LIN54: variants seen among roughly 807,000 people sequenced by gnomAD.
LIN54 encodes the protein protein lin-54 homolog.
Under a neutral mutation model 78.7 loss-of-function variants are expected in LIN54, and 9 were observed. That is an observed-to-expected ratio of 0.11 (90% CI 0.07 to 0.20). The LOEUF (loss-of-function observed/expected upper bound fraction) is 0.20. Ranked by LOEUF, LIN54 falls within the 10% of genes least tolerant of loss-of-function variation. The pLI, the probability that LIN54 is intolerant of heterozygous loss-of-function variation, is 1.00. For synonymous variants in LIN54, 269 were observed against 318.4 expected, an observed-to-expected ratio of 0.84 and a Z score of 1.65; for missense variants, 573 against 889.9, an observed-to-expected ratio of 0.64 and a Z score of 4.53.
chr4:82,951,733 G>T (rs1578527615), intron 4 of LIN54, among the ~76,000 whole-genome samples: 1 of 151,942 alleles, frequency 6.6e-6, no homozygotes, highest in African/African-American at 2.4e-5. Context: ...ATGGATTTAA[G>T]ATTTAACCTA....
chr4:83,011,154 T>C (rs1260711408), upstream of LIN54, among the ~76,000 whole-genome samples: 1 of 152,192 alleles, frequency 6.6e-6, no homozygotes, highest in East Asian at 1.9e-4. Context: ...GTGGAATGCG[T>C]TTCATTCACT....
At chr4:83,006,334 A>G (rs1299096927) in intron 1 of LIN54, among the ~76,000 whole-genome samples, 2 of 152,052 alleles carry the variant, frequency 1.3e-5, no homozygotes, top group East Asian at 1.9e-4. Context: ...CTGTAGTCCC[A>G]GCTACTCGGG....
chr4:83,010,462 C>T (rs1729775450), intron 1 of LIN54, 22 bp downstream of exon 1: 4 of 1,063,434 alleles, frequency 3.8e-6, no homozygotes, highest in Non-Finnish European at 4.6e-6. Context: ...GAGAAGCCCT[C>T]GGGTACCCCA....
intron 1 of LIN54, 54 bp downstream of exon 1, chr4:83,010,430 C>CCCA: frequency 1.7e-6 from 1 of 576,998 alleles, no homozygotes; most frequent in Non-Finnish European, 2.2e-6. Context: ...CCCATCCCCC[C>CCCA]AAATAAAGAG....
chr4:82,974,379 G>A (rs1225668097), intron 3 of LIN54, among the ~76,000 whole-genome samples: 2 of 151,984 alleles, frequency 1.3e-5, no homozygotes, highest in African/African-American at 2.4e-5. Context: ...AGAAAATTCT[G>A]ATATATACTA....
intron 5 of LIN54, 67 bp downstream of exon 5, chr4:82,946,191 A>C: frequency 3.6e-6 from 5 of 1,375,094 alleles, no homozygotes; most frequent in Non-Finnish European, 5.2e-6. Flanking sequence ...TTTCAGCAAG[A>C]AATGGACAAA....
At chr4:82,966,793 A>G (rs1361390362) in intron 4 of LIN54, among the ~76,000 whole-genome samples, 1 of 152,028 alleles carries the variant, frequency 6.6e-6, no homozygotes, top group Non-Finnish European at 1.5e-5. Context: ...TATTTTTAGT[A>G]GAGACAGGGT....
At chr4:82,991,154 G>GAAA (rs56936823) in intron 1 of LIN54, among the ~76,000 whole-genome samples, 12 of 86,322 alleles carry the variant, frequency 1.4e-4, no homozygotes, top group African/African-American at 2.0e-4. Flanking sequence ...TGTCTCTTAA[G>GAAA]AAAAAAAAAA....
rs6811166 is a variant in LIN54 at position 82,924,666 on chromosome 4, C to T, written c.*3436G>A. Reference sequence around the variant, plus strand: ...TTATAGCTTTCAACTCATAAAATCACATGGATTAAAAAAAAAAGCTCACCT... The same window carrying T: ...TTATAGCTTTCAACTCATAAAATCATATGGATTAAAAAAAAAAGCTCACCT... On this transcript the variant is annotated 3_prime_UTR_variant, in exon 13 of 13. Transcript: ENST00000340417. 5.0e-3 allele frequency: 758 copies of T among 151,792 alleles called. 16 individuals carry two copies. Among genetic ancestry groups the T allele is most frequent in the African/African-American group, 0.017 (722 of 41,362 alleles). 9.4% of individuals were successfully genotyped at this position (151,792 alleles called of 1,614,324 possible).
At chr4:82,959,778 A>T (rs2126060190) in intron 4 of LIN54, among the ~76,000 whole-genome samples, 1 of 152,332 alleles carries the variant, frequency 6.6e-6, no homozygotes, top group Middle Eastern at 3.4e-3. Context: ...TTTCACAATT[A>T]TAAACATTGA....
intron 4 of LIN54, 58 bp from the exon 5 acceptor site, chr4:82,946,532 TTAA>T: frequency 7.4e-7 from 1 of 1,355,414 alleles, no homozygotes; most frequent in Non-Finnish European, 1.1e-6. Context: ...CCTACTATTT[TTAA>T]TTTATAACCA....
chr4:82,975,556 C>T lies in LIN54; in HGVS notation c.808+3327G>A, dbSNP rs561562902. Among the ~76,000 whole-genome samples the T allele has an allele frequency of 2.6e-5, 4 of 151,660 alleles. No homozygotes were observed. In the East Asian group the frequency reaches 7.8e-4, roughly 29 times the overall value. On this transcript the variant is annotated intron_variant, in intron 3 of 12. Transcript: ENST00000340417. ...TGAAACCCCGTCTCCACTAAAAATA[C>T]AAAAAATTAGCCGGGCATAGTGGCA...
At chr4:82,972,764 C>T (rs11942120) in intron 3 of LIN54, among the ~76,000 whole-genome samples, 28,014 of 151,854 alleles carry the variant, frequency 0.18, 2,762 homozygotes, top group South Asian at 0.32. Context: ...AGGTGGATCA[C>T]GAGGTCAGGA....
intron 2 of LIN54, among the ~76,000 whole-genome samples, chr4:82,983,068 C>T (rs537722157): frequency 1.4e-3 from 205 of 147,100 alleles, no homozygotes; most frequent in Non-Finnish European, 2.3e-3. Flanking sequence ...AGTGCAATGG[C>T]GCGATCTCGG....
chr4:82,984,616 C>T lies in LIN54; in HGVS notation c.229G>A (p.Ala77Thr). The change falls in exon 2 of 13, where the codon GCA (alanine) becomes ACA (threonine). Residue 77 changes from alanine to threonine, a missense_variant. Physicochemically the swap from Ala to Thr is moderately conservative, Grantham distance 58 (BLOSUM62 0). This residue lies in a region of LIN54 where 183 missense variants were observed against 228.4 expected (regional missense o/e 0.80). Coordinates refer to ENST00000340417, the MANE Select transcript of LIN54 (RefSeq NM_194282.4). Reference protein sequence around the residue: ...TVYSNHTNQVAVNTTITKADS... With the variant: ...TVYSNHTNQVTVNTTITKADS... ...GCTTTAGTAATTGTGGTATTCACTG[C>T]AACTTGGTTAGTGTGGTTACTGTAC... The T allele has an allele frequency of 6.2e-7, 1 of 1,614,186 alleles. No individual in the cohort carries two copies. Among genetic ancestry groups the T allele is most frequent in the Non-Finnish European group, 8.5e-7 (1 of 1,180,034 alleles).
At chr4:82,947,235 A>ATATATATATATTTTTTTTTT in intron 4 of LIN54, among the ~76,000 whole-genome samples, 1 of 44,292 alleles carries the variant, frequency 2.3e-5, no homozygotes, top group East Asian at 1.0e-3. Flanking sequence ...ATATATATAT[A>ATATATATATATTTTTTTTTT]TTTTTTTTTT....
chr4:82,931,940 T>C (rs1721985995), intron 11 of LIN54, among the ~76,000 whole-genome samples: 1 of 152,164 alleles, frequency 6.6e-6, no homozygotes. Flanking sequence ...GGGCATTCAT[T>C]TCCCTATTGA....
chr4:82,996,959 T>C (rs1463661793), intron 1 of LIN54, among the ~76,000 whole-genome samples: 5 of 152,076 alleles, frequency 3.3e-5, no homozygotes, highest in African/African-American at 4.8e-5. Flanking sequence ...TACCCTGGCA[T>C]TTCCATCACA....
chr4:82,937,423 T>TC (rs1313474462), intron 8 of LIN54, 125 bp from the exon 9 acceptor site: 1 of 571,512 alleles, frequency 1.7e-6, no homozygotes. Context: ...TAGAGAAGTC[T>TC]CCAATCTATA....
Sources: gnomAD v4.1 joint callset for allele counts (sites outside exome capture counted in the v4.1 genomes callset) on GRCh38, gnomAD v4.1.1 for gene constraint, gnomAD v4.1.1 regional missense constraint, MANE v1.5 for transcripts, NCBI Gene and HGNC (gene_info 2026-07-23, HGNC 2026-07-21) for gene names.